The following GALNT13 variants were observed in gnomAD, a reference collection of about 807,000 sequenced individuals.
The protein encoded by GALNT13 is polypeptide N-acetylgalactosaminyltransferase 13.
Under a neutral mutation model 64.2 loss-of-function variants are expected in GALNT13, and 28 were observed. That is an observed-to-expected ratio of 0.44 (90% CI 0.32 to 0.60). The LOEUF is 0.60. GALNT13 is among the 20% of genes least tolerant of loss of function. The pLI, the probability that GALNT13 is intolerant of heterozygous loss-of-function variation, is 0.05. For missense variants in GALNT13, 577 were observed against 669.8 expected (o/e 0.86, Z 1.53); for synonymous variants, 214 against 224.6 (o/e 0.95, Z 0.42).
chr2:153,161,397 A>T, the GALNT13 span, among the ~76,000 whole-genome samples: 1 of 152,304 alleles, frequency 6.6e-6, no homozygotes, highest in Admixed American at 6.5e-5. Context: ...TGTGGATATG[A>T]TTTTGTATTG....
the GALNT13 span, among the ~76,000 whole-genome samples, chr2:153,309,191 C>T: frequency 7.9e-5 from 12 of 152,170 alleles, no homozygotes; most frequent in South Asian, 2.3e-3. Flanking sequence ...AACCTCACTC[C>T]CTCTGGCAAA....
chr2:153,402,615 C>G, the GALNT13 span, among the ~76,000 whole-genome samples: 1 of 152,036 alleles, frequency 6.6e-6, no homozygotes, highest in Non-Finnish European at 1.5e-5. Context: ...TTCTTGGAGG[C>G]TTTTCTCATT....
the GALNT13 span, among the ~76,000 whole-genome samples, chr2:153,632,307 C>G: frequency 8.5e-5 from 13 of 152,194 alleles, no homozygotes; most frequent in Non-Finnish European, 1.3e-4. Context: ...TTCCCCATTA[C>G]TAACATCTCA....
At chr2:153,585,275 GAAATAC>G in the GALNT13 span, among the ~76,000 whole-genome samples, 4 of 151,918 alleles carry the variant, frequency 2.6e-5, no homozygotes, top group Admixed American at 6.6e-5. Flanking sequence ...TTCTTTGAAG[GAAATAC>G]AAATACATTT....
the GALNT13 span, among the ~76,000 whole-genome samples, chr2:153,435,435 A>G: frequency 6.6e-6 from 1 of 151,938 alleles, no homozygotes; most frequent in African/African-American, 2.4e-5. Flanking sequence ...GGCCATTTTC[A>G]CAATATTGAT....
chr2:153,786,248 A>C, the GALNT13 span, among the ~76,000 whole-genome samples: 3 of 152,068 alleles, frequency 2.0e-5, no homozygotes. Flanking sequence ...TTACAGTGGT[A>C]TTTATTACCC....
chr2:153,574,690 C>T, the GALNT13 span, among the ~76,000 whole-genome samples: 1 of 150,604 alleles, frequency 6.6e-6, no homozygotes, highest in African/African-American at 2.5e-5. Flanking sequence ...AGAATTTCTG[C>T]TTGATGCTTT....
chr2:154,013,825 C>T (rs1348686713), intron 3 of GALNT13, among the ~76,000 whole-genome samples: 2 of 152,108 alleles, frequency 1.3e-5, no homozygotes, highest in South Asian at 2.1e-4. Context: ...TCGGCCCTTG[C>T]GCACACACTG....
intron 2 of GALNT13, among the ~76,000 whole-genome samples, chr2:153,932,043 C>T (rs1021703688): frequency 3.3e-5 from 5 of 151,768 alleles, no homozygotes; most frequent in African/African-American, 2.4e-5. Flanking sequence ...GGAACTCACC[C>T]GGGAATTTAT....
chr2:153,373,130 CTTTG>C, the GALNT13 span, among the ~76,000 whole-genome samples: 1 of 98,260 alleles, frequency 1.0e-5, no homozygotes, highest in Non-Finnish European at 2.3e-5. Context: ...TATTCTGTTG[CTTTG>C]TGTGTGTGTG....
intron 9 of GALNT13, among the ~76,000 whole-genome samples, chr2:154,305,835 A>C (rs1384134021): frequency 6.6e-6 from 1 of 152,150 alleles, no homozygotes; most frequent in Admixed American, 6.6e-5. Context: ...ATATTGTTTT[A>C]ATTTTTATTA....
At chr2:154,291,261 AGC>A in intron 8 of GALNT13, among the ~76,000 whole-genome samples, 1 of 152,090 alleles carries the variant, frequency 6.6e-6, no homozygotes, top group African/African-American at 2.4e-5. Context: ...ACAATACTTT[AGC>A]TAGACACAAA....
chr2:153,903,253 A>T (rs1688347007), intron 2 of GALNT13, among the ~76,000 whole-genome samples: 1 of 152,078 alleles, frequency 6.6e-6, no homozygotes, highest in South Asian at 2.1e-4. Context: ...GAGTGGTAAA[A>T]AAAAAGATTT....
chr2:153,870,566 C>T (rs2105205610), upstream of GALNT13, among the ~76,000 whole-genome samples: 1 of 151,850 alleles, frequency 6.6e-6, no homozygotes, highest in African/African-American at 2.4e-5. Context: ...ACAGAAGCAT[C>T]TCTGGTAAAT....
chr2:153,336,757 G>A, the GALNT13 span, among the ~76,000 whole-genome samples: 2,230 of 152,210 alleles, frequency 0.015, 58 homozygotes, highest in African/African-American at 0.051. Context: ...AAAAATGCGA[G>A]AACATGAGAT....
At chr2:153,753,772 A>G in the GALNT13 span, among the ~76,000 whole-genome samples, 1 of 152,208 alleles carries the variant, frequency 6.6e-6, no homozygotes, top group Non-Finnish European at 1.5e-5. Flanking sequence ...GGCAAAGCCA[A>G]CTGTGCCTGT....
chr2:153,126,404 A>G, the GALNT13 span, among the ~76,000 whole-genome samples: 2 of 149,558 alleles, frequency 1.3e-5, no homozygotes, highest in African/African-American at 4.9e-5. Context: ...AATAATAAAG[A>G]ACGAATAAAC....
At chr2:153,187,144 T>G in the GALNT13 span, among the ~76,000 whole-genome samples, 2 of 152,224 alleles carry the variant, frequency 1.3e-5, no homozygotes, top group Non-Finnish European at 2.9e-5. Context: ...TGAATTCTTT[T>G]ACATAATTTT....
chr2:153,875,678 C>A (rs115125426), intron 1 of GALNT13, among the ~76,000 whole-genome samples: 2,366 of 152,114 alleles, frequency 0.016, 31 homozygotes, highest in Non-Finnish European at 0.021. Context: ...TATGAATGGG[C>A]AGATGAAGAG....
Sources: allele counts gnomAD v4.1 joint callset (sites outside exome capture counted in the v4.1 genomes callset), GRCh38; gene constraint gnomAD v4.1.1; transcripts MANE v1.5; gene names NCBI Gene and HGNC (gene_info 2026-07-23, HGNC 2026-07-21).